The following NKAIN2 variants were observed in gnomAD, a reference collection of about 807,000 sequenced individuals.
The protein encoded by NKAIN2 is sodium/potassium-transporting ATPase subunit beta-1-interacting protein 2.
NKAIN2 carries 14 observed loss-of-function variants against 32.6 expected under a neutral mutation model. That is an observed-to-expected ratio of 0.43 (90% CI 0.28 to 0.67). The LOEUF (loss-of-function observed/expected upper bound fraction) is 0.67. NKAIN2 is among the 30% of genes least tolerant of loss of function. The pLI is 0.17. For synonymous variants in NKAIN2, 80 were observed against 87.2 expected, an observed-to-expected ratio of 0.92 and a Z score of 0.46; for missense variants, 198 against 258.3, an observed-to-expected ratio of 0.77 and a Z score of 1.60.
intron 1 of NKAIN2, among the ~76,000 whole-genome samples, chr6:124,168,279 C>T (rs1323650765): frequency 6.6e-6 from 1 of 152,010 alleles, no homozygotes; most frequent in Admixed American, 6.6e-5. Flanking sequence ...TGCATCTGAC[C>T]AGTAAAGATA....
intron 3 of NKAIN2, among the ~76,000 whole-genome samples, chr6:124,381,259 A>G (rs1487574268): frequency 7.4e-6 from 1 of 135,134 alleles, no homozygotes; most frequent in Non-Finnish European, 1.7e-5. Context: ...ACTTATGTTA[A>G]CATAGCAGAG....
intron 3 of NKAIN2, among the ~76,000 whole-genome samples, chr6:124,453,061 G>T (rs796306958): frequency 4.6e-5 from 7 of 151,994 alleles, no homozygotes; most frequent in African/African-American, 1.7e-4. Flanking sequence ...GAGACAGCAT[G>T]GACAAAAATT....
chr6:123,831,901 G>T (rs1337408901), intron 1 of NKAIN2, among the ~76,000 whole-genome samples: 1 of 152,178 alleles, frequency 6.6e-6, no homozygotes, highest in East Asian at 1.9e-4. Context: ...TGATCCGCCC[G>T]CCTCGGCCTT....
intron 6 of NKAIN2, among the ~76,000 whole-genome samples, chr6:124,822,045 A>G (rs985590041): frequency 1.7e-4 from 26 of 152,174 alleles, no homozygotes; most frequent in African/African-American, 6.3e-4. Flanking sequence ...TGTATTCTTA[A>G]CACTAACTTA....
chr6:123,874,400 C>T (rs1773064581), intron 1 of NKAIN2, among the ~76,000 whole-genome samples: 1 of 152,124 alleles, frequency 6.6e-6, no homozygotes, highest in African/African-American at 2.4e-5. Context: ...GACTGCTAGA[C>T]CCTGATCTCA....
intron 1 of NKAIN2, among the ~76,000 whole-genome samples, chr6:123,816,729 G>T (rs1372557865): frequency 6.6e-6 from 1 of 152,132 alleles, no homozygotes; most frequent in Admixed American, 6.6e-5. Context: ...TGAGAATAAG[G>T]AGGTGGGTAC....
At chr6:123,923,908 A>C (rs1012326416) in intron 1 of NKAIN2, among the ~76,000 whole-genome samples, 11 of 151,388 alleles carry the variant, frequency 7.3e-5, no homozygotes, top group African/African-American at 2.7e-4. Context: ...AACCTGCACA[A>C]TGTGCACATG....
At chr6:124,126,681 G>A (rs1786181587) in intron 1 of NKAIN2, among the ~76,000 whole-genome samples, 1 of 152,170 alleles carries the variant, frequency 6.6e-6, no homozygotes, top group South Asian at 2.1e-4. Flanking sequence ...CAGCATTTTG[G>A]GAGGCCAAGG....
At chr6:124,311,954 G>C (rs893544342) in intron 2 of NKAIN2, among the ~76,000 whole-genome samples, 2 of 152,014 alleles carry the variant, frequency 1.3e-5, no homozygotes, top group Non-Finnish European at 2.9e-5. Flanking sequence ...AGTAAGTAGT[G>C]GTTAACAGGA....
chr6:124,485,194 G>A (rs908372693), intron 3 of NKAIN2, among the ~76,000 whole-genome samples: 2 of 152,154 alleles, frequency 1.3e-5, no homozygotes, highest in Non-Finnish European at 2.9e-5. Context: ...CACTTGGAAA[G>A]TTATTAGAAA....
intron 1 of NKAIN2, among the ~76,000 whole-genome samples, chr6:123,916,864 T>TCTAC (rs536387906): frequency 3.4e-4 from 51 of 151,872 alleles, no homozygotes; most frequent in Non-Finnish European, 5.7e-4. Context: ...CTATCTGTCA[T>TCTAC]CTACCTACCT....
Position 124,791,041 on chromosome 6 carries a change from G to A in NKAIN2, c.475-298G>A, listed in dbSNP as rs79911565. On this transcript the variant is annotated intron_variant, in intron 4 of 6. Transcript: ENST00000368417. ...CAAATGCAAATGTTAATCCACTAGT[G>A]AATGGTTATAAGTCTTTTTCTGTAT... 1.2e-4 allele frequency among the ~76,000 whole-genome samples: 19 copies of A among 152,282 alleles called. No individual in the cohort carries two copies. The East Asian group carries it at 3.3e-3, about 26-fold the overall frequency.
intron 5 of NKAIN2, chr6:124,804,501 C>G: frequency 1.1e-6 from 1 of 931,660 alleles, no homozygotes; most frequent in Non-Finnish European, 1.3e-6. Context: ...TATTAAAGAT[C>G]TGGGGGAGGA....
At chr6:124,028,925 G>GTATATA (rs201017247) in intron 1 of NKAIN2, among the ~76,000 whole-genome samples, 3 of 81,392 alleles carry the variant, frequency 3.7e-5, no homozygotes, top group East Asian at 2.7e-4. Flanking sequence ...ATATATATGT[G>GTATATA]TATATATATA....
At chr6:124,165,690 C>A (rs1346619137) in intron 1 of NKAIN2, among the ~76,000 whole-genome samples, 15 of 144,788 alleles carry the variant, frequency 1.0e-4, no homozygotes, top group African/African-American at 3.9e-4. Flanking sequence ...CCACAGTCCC[C>A]AGAGTGTGAT....
intron 4 of NKAIN2, among the ~76,000 whole-genome samples, chr6:124,711,058 T>C (rs1256876953): frequency 1.4e-5 from 2 of 147,098 alleles, no homozygotes; most frequent in Admixed American, 6.8e-5. Flanking sequence ...TTTGCTTGTC[T>C]GTAAAGTATT....
intron 1 of NKAIN2, among the ~76,000 whole-genome samples, chr6:123,850,342 GAA>G (rs367601380): frequency 0.081 from 10,395 of 128,858 alleles, 519 homozygotes; most frequent in African/African-American, 0.14. Context: ...GCAAGCTGCT[GAA>G]AAAAAAAAAA....
At chr6:124,441,196 A>T (rs973934658) in intron 3 of NKAIN2, among the ~76,000 whole-genome samples, 6 of 152,086 alleles carry the variant, frequency 3.9e-5, no homozygotes, top group African/African-American at 1.4e-4. Context: ...ATATGGCTTT[A>T]TGCAGAATCC....
intron 4 of NKAIN2, among the ~76,000 whole-genome samples, chr6:124,761,233 T>G (rs1346766324): frequency 6.6e-6 from 1 of 152,190 alleles, no homozygotes; most frequent in Admixed American, 6.5e-5. Context: ...GCTAACACTT[T>G]ATTGCTTTTC....
Sources: gnomAD v4.1 joint callset for allele counts (sites outside exome capture counted in the v4.1 genomes callset) on GRCh38, gnomAD v4.1.1 for gene constraint, MANE v1.5 for transcripts, NCBI Gene and HGNC (gene_info 2026-07-23, HGNC 2026-07-21) for gene names.